KIAA1328: variants seen among roughly 807,000 people sequenced by gnomAD.
KIAA1328 encodes the protein KIAA1328, also known as protein hinderin.
A neutral mutation model predicts 68.1 loss-of-function variants in KIAA1328; 52 were observed. The ratio of observed to expected loss-of-function variants is 0.76; its 90% CI spans 0.61 to 0.96. The LOEUF is 0.96. Among genes scored for constraint, KIAA1328 ranks in the 40% least tolerant of loss-of-function variants. The pLI, the probability that KIAA1328 is intolerant of heterozygous loss-of-function variation, is 0.00. For synonymous variants in KIAA1328, 232 were observed against 239.4 expected (o/e 0.97, Z 0.28); for missense variants, 641 against 677.6 (o/e 0.95, Z 0.60).
intron 4 of KIAA1328, among the ~76,000 whole-genome samples, chr18:36,879,184 C>T (rs1234085105): frequency 6.6e-6 from 1 of 151,860 alleles, no homozygotes; most frequent in East Asian, 1.9e-4. Flanking sequence ...ATGTTAGTAA[C>T]CTTTGGATGG....
At chr18:37,173,630 T>G (rs1335170098) in intron 9 of KIAA1328, among the ~76,000 whole-genome samples, 3 of 152,168 alleles carry the variant, frequency 2.0e-5, no homozygotes, top group African/African-American at 7.2e-5. Flanking sequence ...CCAAAAGGGC[T>G]TGGTTTATGT....
chr18:37,169,760 C>A (rs2059464879), intron 8 of KIAA1328, among the ~76,000 whole-genome samples: 1 of 152,180 alleles, frequency 6.6e-6, no homozygotes, highest in African/African-American at 2.4e-5. Flanking sequence ...TTCAGGGTCC[C>A]ATACCCTTTC....
intron 6 of KIAA1328, among the ~76,000 whole-genome samples, chr18:36,990,563 C>T (rs572042707): frequency 6.6e-5 from 10 of 151,726 alleles, no homozygotes; most frequent in Admixed American, 4.6e-4. Context: ...AATCCCAGTT[C>T]GGGAGGCTGA....
chr18:36,862,707 A>G (rs1400137934), intron 4 of KIAA1328, among the ~76,000 whole-genome samples: 2 of 152,144 alleles, frequency 1.3e-5, no homozygotes, highest in African/African-American at 4.8e-5. Flanking sequence ...TTTCTTTGGG[A>G]TACTGTAACT....
chr18:37,075,537 C>A (rs1007595292), intron 7 of KIAA1328: 1 of 152,064 alleles, frequency 6.6e-6, no homozygotes, highest in African/African-American at 2.4e-5. Context: ...CACAGACTGG[C>A]AAATTGGATA....
At chr18:37,044,327 A>G (rs1185780860) in intron 6 of KIAA1328, among the ~76,000 whole-genome samples, 1 of 152,174 alleles carries the variant, frequency 6.6e-6, no homozygotes, top group African/African-American at 2.4e-5. Context: ...TATGGATCCT[A>G]TCCGTCATCT....
chr18:36,906,767 G>T (rs1568147605), intron 5 of KIAA1328, among the ~76,000 whole-genome samples: 1 of 152,040 alleles, frequency 6.6e-6, no homozygotes. Flanking sequence ...TCATGTGCAA[G>T]TTTTTGTGTG....
intron 6 of KIAA1328, among the ~76,000 whole-genome samples, chr18:37,010,336 G>A (rs569345420): frequency 1.4e-4 from 21 of 150,672 alleles, no homozygotes; most frequent in Middle Eastern, 6.9e-3. Context: ...CCAGCTACTC[G>A]GGAGGCTGAG....
At chr18:36,917,278 G>A (rs933756812) in intron 5 of KIAA1328, among the ~76,000 whole-genome samples, 3 of 152,114 alleles carry the variant, frequency 2.0e-5, no homozygotes, top group Admixed American at 1.3e-4. Context: ...TGTCTTGTTT[G>A]TTAAGAGGCA....
intron 5 of KIAA1328, among the ~76,000 whole-genome samples, chr18:36,913,416 T>C (rs1252505632): frequency 6.7e-6 from 1 of 150,066 alleles, no homozygotes; most frequent in Non-Finnish European, 1.5e-5. Context: ...GGGGATTCAT[T>C]TTTTTTTTGA....
chr18:37,178,409 G>C (rs974657531), intron 9 of KIAA1328, among the ~76,000 whole-genome samples: 1 of 152,130 alleles, frequency 6.6e-6, no homozygotes, highest in Non-Finnish European at 1.5e-5. Flanking sequence ...TGCCACAAAT[G>C]ACAGGATTTC....
intron 9 of KIAA1328, among the ~76,000 whole-genome samples, chr18:37,208,233 G>A (rs185553428): frequency 1.3e-5 from 2 of 152,126 alleles, no homozygotes; most frequent in South Asian, 2.1e-4. Flanking sequence ...GGCAGAGATA[G>A]TAGGAATGGC....
At chr18:36,853,919 A>G (rs1300596509) in intron 4 of KIAA1328, among the ~76,000 whole-genome samples, 1 of 152,000 alleles carries the variant, frequency 6.6e-6, no homozygotes, top group East Asian at 1.9e-4. Flanking sequence ...CAGCCTCCCA[A>G]AGTGCTGGGA....
chr18:36,876,143 T>A (rs2048116472), intron 4 of KIAA1328, among the ~76,000 whole-genome samples: 1 of 152,200 alleles, frequency 6.6e-6, no homozygotes, highest in Admixed American at 6.5e-5. Context: ...TTGTTGCGTC[T>A]CTGCCAGGTT....
chr18:37,120,267 G>A (rs1445405633), intron 7 of KIAA1328, among the ~76,000 whole-genome samples: 1 of 152,070 alleles, frequency 6.6e-6, no homozygotes, highest in African/African-American at 2.4e-5. Context: ...AGAAAAGATA[G>A]GATTGCAAAT....
chr18:36,966,793 G>A (rs1383239234), intron 6 of KIAA1328, among the ~76,000 whole-genome samples: 1 of 152,154 alleles, frequency 6.6e-6, no homozygotes, highest in African/African-American at 2.4e-5. Flanking sequence ...CTAAATAGAT[G>A]GAAATGGGTT....
chr18:37,230,485 C>G (rs1401828786), downstream of KIAA1328: 1 of 152,210 alleles, frequency 6.6e-6, no homozygotes, highest in Non-Finnish European at 1.5e-5. Flanking sequence ...GGCCTGTTTA[C>G]TTTTCTGATT....
At chr18:36,872,794 T>C (rs1479954892) in intron 4 of KIAA1328, among the ~76,000 whole-genome samples, 2 of 152,218 alleles carry the variant, frequency 1.3e-5, no homozygotes, top group African/African-American at 4.8e-5. Context: ...TGATGAGGAA[T>C]TTAAAATAAC....
At chr18:37,114,101 G>C (rs916783074) in intron 7 of KIAA1328, among the ~76,000 whole-genome samples, 1 of 152,138 alleles carries the variant, frequency 6.6e-6, no homozygotes, top group Admixed American at 6.5e-5. Context: ...ACAGATCAAC[G>C]AGACAGAAAG....
Sources: gnomAD v4.1 joint callset for allele counts (sites outside exome capture counted in the v4.1 genomes callset) on GRCh38, gnomAD v4.1.1 for gene constraint, MANE v1.5 for transcripts, NCBI Gene and HGNC (gene_info 2026-07-23, HGNC 2026-07-21) for gene names.